CADM2: variants seen among roughly 807,000 people sequenced by gnomAD.
The protein encoded by CADM2 is cell adhesion molecule 2, also known as immunoglobulin superfamily member 4D.
A neutral mutation model predicts 49.8 loss-of-function variants in CADM2; 12 were observed. That is an observed-to-expected ratio of 0.24 (90% confidence interval 0.15 to 0.39). The LOEUF is 0.39. CADM2 is among the 10% of genes least tolerant of loss of function. CADM2 has a pLI of 1.00. For missense variants in CADM2, 378 were observed against 492.3 expected (o/e 0.77, Z 2.20); for synonymous variants, 214 against 175.4 (o/e 1.22, Z -1.74).
intron 2 of CADM2, among the ~76,000 whole-genome samples, chr3:85,760,093 C>T (rs555931555): frequency 6.6e-6 from 1 of 152,144 alleles, no homozygotes; most frequent in African/African-American, 2.4e-5. Flanking sequence ...TCTAATTTCA[C>T]TTTTATAAAA....
rs533815447 is a variant in CADM2, at chr3:85,945,773, G to A, written c.791+9916G>A. ...TCAATAAATTAGGTATTGATGGGAC[G>A]TATCTCAAAATAATAAGAGCTATTT... is the stretch of plus-strand genomic sequence containing the variant. On this transcript the variant is annotated intron_variant, in intron 7 of 9. Coordinates refer to ENST00000383699, the MANE Select transcript of CADM2 (RefSeq NM_001167675.2). Among the ~76,000 whole-genome samples the A allele has an allele frequency of 3.3e-5, 5 of 152,022 alleles. No homozygotes were observed. The East Asian group carries it at 5.8e-4, about 18-fold the overall frequency.
rs1175721334 is a variant in CADM2, at chr3:86,040,550, C to A, written c.971-25055C>A. ...TTTAGAGAAAAAAGAATAAAAGAAA[C>A]CAACAAAGCCTCCAAGAAATATGGG... On this transcript the variant is annotated intron_variant, in intron 8 of 9. Coordinates refer to ENST00000383699, the MANE Select transcript of CADM2 (RefSeq NM_001167675.2). Among the ~76,000 whole-genome samples the A allele has an allele frequency of 2.0e-5, 3 of 152,054 alleles. No homozygotes were observed. The East Asian group carries it at 5.8e-4, about 29-fold the overall frequency.
At chr3:85,809,371 A>C (rs1229574858) in intron 3 of CADM2, among the ~76,000 whole-genome samples, 2 of 152,020 alleles carry the variant, frequency 1.3e-5, no homozygotes, top group African/African-American at 4.8e-5. Flanking sequence ...CGGGTGGACC[A>C]CTTGAGGTCA....
intron 8 of CADM2, among the ~76,000 whole-genome samples, chr3:86,065,217 G>C (rs73136141): frequency 0.01 from 1,592 of 152,094 alleles, 22 homozygotes; most frequent in Middle Eastern, 0.068. Flanking sequence ...TCATCCCCAG[G>C]CTTTCTCATG....
chr3:85,590,792 AT>A (rs777351165), intron 1 of CADM2, among the ~76,000 whole-genome samples: 2 of 151,990 alleles, frequency 1.3e-5, no homozygotes, highest in African/African-American at 2.4e-5. Flanking sequence ...AGCTAAAGCA[AT>A]TGATCTTCAA....
chr3:84,983,271 C>A (rs986428318), intron 1 of CADM2, among the ~76,000 whole-genome samples: 4 of 151,414 alleles, frequency 2.6e-5, no homozygotes, highest in Admixed American at 6.6e-5. Flanking sequence ...TTTTGGACAT[C>A]ACATCTTTTA....
chr3:85,096,803 A>G (rs2037813802), intron 1 of CADM2, among the ~76,000 whole-genome samples: 1 of 151,932 alleles, frequency 6.6e-6, no homozygotes. Flanking sequence ...CTAATCCATG[A>G]CTCTACTCCA....
At chr3:85,679,456 TGAG>T (rs1281480359) in intron 1 of CADM2, among the ~76,000 whole-genome samples, 1 of 152,146 alleles carries the variant, frequency 6.6e-6, no homozygotes, top group Non-Finnish European at 1.5e-5. Context: ...GTAGTTCCCA[TGAG>T]GAGAACATGA....
At chr3:85,761,692 A>C (rs1489608197) in intron 2 of CADM2, among the ~76,000 whole-genome samples, 1 of 152,144 alleles carries the variant, frequency 6.6e-6, no homozygotes, top group East Asian at 1.9e-4. Flanking sequence ...TTATTTTAAT[A>C]GATACTGACT....
chr3:85,044,729 G>A (rs1241459373), intron 1 of CADM2, among the ~76,000 whole-genome samples: 3 of 151,832 alleles, frequency 2.0e-5, no homozygotes, highest in Non-Finnish European at 4.4e-5. Flanking sequence ...GTGGATATTT[G>A]GCATCCAAGC....
intron 1 of CADM2, among the ~76,000 whole-genome samples, chr3:85,387,013 C>T (rs2034266831): frequency 6.6e-6 from 1 of 152,096 alleles, no homozygotes; most frequent in Admixed American, 6.6e-5. Context: ...GCAGGCTAAG[C>T]CTCCTGGCTC....
At chr3:85,599,386 G>A (rs555219074) in intron 1 of CADM2, among the ~76,000 whole-genome samples, 1 of 152,024 alleles carries the variant, frequency 6.6e-6, no homozygotes, top group South Asian at 2.1e-4. Flanking sequence ...AAGATCGTCT[G>A]GTACTATCCT....
chr3:84,961,678 G>T (rs1282899843), intron 1 of CADM2, among the ~76,000 whole-genome samples: 1 of 152,078 alleles, frequency 6.6e-6, no homozygotes, highest in Admixed American at 6.5e-5. Context: ...GGGGGAGTGT[G>T]ATGTGGGGGA....
chr3:85,986,579 C>T (rs1270056303), intron 8 of CADM2, among the ~76,000 whole-genome samples: 1 of 151,888 alleles, frequency 6.6e-6, no homozygotes, highest in Non-Finnish European at 1.5e-5. Context: ...TATTCAATAT[C>T]CAGATGGTCC....
chr3:85,742,707 T>C (rs2068446285), intron 2 of CADM2, among the ~76,000 whole-genome samples: 1 of 152,198 alleles, frequency 6.6e-6, no homozygotes, highest in East Asian at 1.9e-4. Flanking sequence ...CTTTTCCACA[T>C]TAAAATATTT....
At chr3:85,170,435 T>G (rs1028086641) in intron 1 of CADM2, among the ~76,000 whole-genome samples, 6 of 151,202 alleles carry the variant, frequency 4.0e-5, no homozygotes, top group Non-Finnish European at 7.4e-5. Flanking sequence ...GCCTCCCAGG[T>G]TTTCGCGATT....
At chr3:85,878,334 T>A (rs981672440) in intron 3 of CADM2, among the ~76,000 whole-genome samples, 3 of 152,146 alleles carry the variant, frequency 2.0e-5, no homozygotes, top group African/African-American at 7.2e-5. Context: ...CTCAAGTTAA[T>A]ATGATTAAAC....
At chr3:85,718,919 T>TTAA (rs1314114510) in intron 1 of CADM2, among the ~76,000 whole-genome samples, 1 of 134,366 alleles carries the variant, frequency 7.4e-6, no homozygotes, top group Non-Finnish European at 1.7e-5. Flanking sequence ...ATTATTATTA[T>TTAA]TATTATTTTG....
intron 1 of CADM2, among the ~76,000 whole-genome samples, chr3:85,320,925 T>C (rs1171171933): frequency 7.5e-6 from 1 of 133,734 alleles, no homozygotes. Context: ...GATTTATTTC[T>C]GTTAGATTTT....
Sources: gnomAD v4.1 joint callset for allele counts (sites outside exome capture counted in the v4.1 genomes callset) on GRCh38, gnomAD v4.1.1 for gene constraint, MANE v1.5 for transcripts, NCBI Gene and HGNC (gene_info 2026-07-23, HGNC 2026-07-21) for gene names.